The following TRMT44 variants were observed in gnomAD, a reference collection of about 807,000 sequenced individuals.
TRMT44 encodes the protein tRNA methyltransferase 44 homolog.
Under a neutral mutation model 77.3 loss-of-function variants are expected in TRMT44, and 78 were observed. That is an observed-to-expected ratio of 1.01 (90% CI 0.84 to 1.22). The LOEUF (loss-of-function observed/expected upper bound fraction) is 1.22. TRMT44 is among the 50% of genes most tolerant of loss of function. The pLI is 0.00. For synonymous variants in TRMT44, 391 were observed against 383.3 expected, an observed-to-expected ratio of 1.02 and a Z score of -0.23; for missense variants, 1,090 against 964.4, an observed-to-expected ratio of 1.13 and a Z score of -1.73.
intron 6 of TRMT44, among the ~76,000 whole-genome samples, chr4:8,457,472 G>T (rs1725877252): frequency 6.6e-6 from 1 of 152,132 alleles, no homozygotes; most frequent in Non-Finnish European, 1.5e-5. Context: ...AACACCAATG[G>T]TGTTGATGTG....
Position 8,475,798 on chromosome 4 carries a change from G to A in TRMT44, c.2071G>A (p.Asp691Asn), listed in dbSNP as rs772101499. The A allele has an allele frequency of 8.7e-6, 14 of 1,613,978 alleles. 1 individual carries two copies. In the Admixed American group the frequency reaches 1.0e-4, roughly 12 times the overall value. The part of the protein sequence containing the change: ...QVVNGRVHIR[D>N]WREETLWKTK... ...TGTGAATGGGAGAGTTCACATCCGCGACTGGCGAGAGGAGACACTGTGGAA... is the reference window on the plus strand; with the variant it reads ...TGTGAATGGGAGAGTTCACATCCGCAACTGGCGAGAGGAGACACTGTGGAA... Residue 691 changes from aspartate to asparagine, a missense_variant, in exon 11 of 11, where the codon GAC becomes AAC. Physicochemically the swap from Asp to Asn is conservative, Grantham distance 23. Transcript: ENST00000389737.
chr4:8,514,369 G>A, the TRMT44 span, among the ~76,000 whole-genome samples: 6 of 150,866 alleles, frequency 4.0e-5, no homozygotes, highest in African/African-American at 1.5e-4. Context: ...CCAGTGGTGC[G>A]ATCTTGGCTC....
intron 8 of TRMT44, among the ~76,000 whole-genome samples, chr4:8,467,280 G>A (rs1414345271): frequency 6.6e-6 from 1 of 152,228 alleles, no homozygotes. Flanking sequence ...CGGCCGAGGG[G>A]TGGAATGAGG....
intron 2 of TRMT44, among the ~76,000 whole-genome samples, chr4:8,447,032 C>T (rs1277221455): frequency 2.0e-5 from 3 of 152,190 alleles, no homozygotes; most frequent in Non-Finnish European, 4.4e-5. Flanking sequence ...CCCACCACCA[C>T]ACCCGGCTAA....
chr4:8,493,881 A>C (rs1157900043), downstream of TRMT44, among the ~76,000 whole-genome samples: 1 of 151,188 alleles, frequency 6.6e-6, no homozygotes, highest in Admixed American at 6.6e-5. Flanking sequence ...CATGGTCCTT[A>C]GTCACTTGTC....
chr4:8,454,188 C>T lies in TRMT44; in HGVS notation c.1132-554C>T, dbSNP rs558537400. Among the ~76,000 whole-genome samples the T allele has an allele frequency of 3.3e-5, 5 of 152,298 alleles. No homozygotes were observed. The South Asian group carries it at 1.0e-3, about 32-fold the overall frequency. The stretch of plus-strand genomic sequence containing the variant: ...ATTGGCTCACGTTCTCAGGTGTGCT[C>T]CCTGGGGCACTGGCCCTGGAAATGT... On this transcript the variant is annotated intron_variant, in intron 5 of 10. Transcript: ENST00000389737.
At position 8,471,108 on chromosome 4, in the gene TRMT44, C is replaced by A. The variant is rs559920426; in HGVS notation, c.1952C>A (p.Ala651Asp). ...GAGAGCCTATCTCTGGCAGAAGTAG[C>A]CAACGAGCTGGACACGGAGACCCTG... ...GGESLSLAEVANELDTETLRR... is the reference protein window; with the variant it reads ...GGESLSLAEVDNELDTETLRR... The change falls in exon 10 of 11, where the codon GCC (alanine) becomes GAC (aspartate). Residue 651 changes from alanine (A) to aspartate (D), a missense_variant. Transcript: ENST00000389737. 24 of 1,603,498 alleles carry A rather than the reference C, an allele frequency of 1.5e-5. No homozygotes were observed. The highest frequency in any genetic ancestry group is 2.0e-5 in the Non-Finnish European group (24 of 1,175,682).
Position 8,464,106 on chromosome 4 carries a change from A to G in TRMT44, c.1310+15A>G, listed in dbSNP as rs1726361696. On this transcript the variant is annotated intron_variant, in intron 7 of 10. Transcript: ENST00000389737. ...ATTGCAGCCAGGTGAGAAGTAGAGG[A>G]GTTATCAGGTGAATGGCTGGGGAAT... is the stretch of plus-strand genomic sequence containing the variant. 6.2e-7 allele frequency: 1 copy of G among 1,606,214 alleles called. No homozygotes were observed. The highest frequency in any genetic ancestry group is 8.5e-7 in the Non-Finnish European group (1 of 1,173,454).
the TRMT44 span, among the ~76,000 whole-genome samples, chr4:8,500,132 A>T: frequency 1.3e-5 from 2 of 152,164 alleles, no homozygotes; most frequent in African/African-American, 4.8e-5. Flanking sequence ...CTGGAGGCTG[A>T]GGCAGGGAGG....
At chr4:8,443,596 A>G (rs953605846) in intron 1 of TRMT44, among the ~76,000 whole-genome samples, 2 of 152,214 alleles carry the variant, frequency 1.3e-5, no homozygotes, top group Non-Finnish European at 2.9e-5. Flanking sequence ...AATGGAATTA[A>G]TACATTGTAA....
the TRMT44 span, among the ~76,000 whole-genome samples, chr4:8,510,050 G>A: frequency 6.6e-6 from 1 of 152,166 alleles, no homozygotes; most frequent in African/African-American, 2.4e-5. Flanking sequence ...ATCCGGGCTG[G>A]ACGTAGACAT....
the TRMT44 span, among the ~76,000 whole-genome samples, chr4:8,501,631 C>T: frequency 1.8e-4 from 28 of 152,294 alleles, no homozygotes; most frequent in East Asian, 2.9e-3. This position sits in a 1 kb window ranked among gnomAD's most constrained non-coding sequence, Gnocchi z 4.4. Flanking sequence ...GCAGACGGGA[C>T]ATTCCTTTGC....
intron 8 of TRMT44, among the ~76,000 whole-genome samples, chr4:8,466,223 G>A (rs780642961): frequency 4.6e-5 from 7 of 152,342 alleles, no homozygotes; most frequent in East Asian, 3.9e-4. Context: ...AAATAACCCC[G>A]TCGTGTCCAG....
chr4:8,449,914 T>C (rs1163924717), intron 3 of TRMT44, 26 bp downstream of exon 3: 1 of 1,232,834 alleles, frequency 8.1e-7, no homozygotes, highest in Non-Finnish European at 1.1e-6. Flanking sequence ...AATATCTGAT[T>C]TTTCCCCCTT....
Position 8,468,114 on chromosome 4 carries a change from G to A in TRMT44, c.1695G>A (p.Gly565=), listed in dbSNP as rs1726727037. The change falls in exon 9 of 11, where the codon GGG becomes GGA. Residue 565 remains glycine (G), a synonymous_variant. Coordinates refer to ENST00000389737, the MANE Select transcript of TRMT44 (RefSeq NM_152544.3). The stretch of plus-strand genomic sequence containing the variant: ...AGCAAGCTCTGGACGCCAGGGTCGG[G>A]TGTGTAACCAGGGCCTGGGCCGCTG... ...DGQQALDARV[G]CVTRAWAAEH... 6.2e-7 allele frequency: 1 copy of A among 1,613,942 alleles called. No homozygotes were observed. Among genetic ancestry groups the A allele is most frequent in the Non-Finnish European group, 8.5e-7 (1 of 1,179,976 alleles).
chr4:8,508,565 G>A, the TRMT44 span, among the ~76,000 whole-genome samples: 35 of 152,328 alleles, frequency 2.3e-4, no homozygotes, highest in African/African-American at 6.0e-4. Context: ...GGAAGTGTCC[G>A]TGGGACTGGA....
At chr4:8,493,796 C>T (rs1728080811), downstream of TRMT44, among the ~76,000 whole-genome samples, 2 of 151,948 alleles carry the variant, frequency 1.3e-5, no homozygotes, top group Non-Finnish European at 2.9e-5. Flanking sequence ...TTTGTCCTTG[C>T]TCATCAGGGC....
At chr4:8,481,268 C>T (rs1057089770), downstream of TRMT44, among the ~76,000 whole-genome samples, 2 of 152,154 alleles carry the variant, frequency 1.3e-5, no homozygotes, top group Non-Finnish European at 2.9e-5. Flanking sequence ...TTGAGTTGTC[C>T]CGCCTTTCTG....
downstream of TRMT44, among the ~76,000 whole-genome samples, chr4:8,496,080 A>G (rs974923056): frequency 2.0e-5 from 3 of 152,180 alleles, no homozygotes; most frequent in Non-Finnish European, 4.4e-5. Flanking sequence ...CATAGAGTGA[A>G]CCAATGAGAA....
Sources: allele counts gnomAD v4.1 joint callset (sites outside exome capture counted in the v4.1 genomes callset), GRCh38; gene constraint gnomAD v4.1.1; non-coding constraint Gnocchi (gnomAD v3.1); transcripts MANE v1.5; gene names NCBI Gene and HGNC (gene_info 2026-07-23, HGNC 2026-07-21).